CKAP4: variants seen among roughly 807,000 people sequenced by gnomAD.
CKAP4 encodes the protein cytoskeleton associated protein 4.
Under a neutral mutation model 24.4 loss-of-function variants are expected in CKAP4, and 20 were observed. The observed-to-expected ratio is 0.82, with a 90% confidence interval of 0.58 to 1.19. CKAP4 has a LOEUF of 1.19. CKAP4 is among the 50% of genes most tolerant of loss of function. CKAP4 has a pLI of 0.00. For synonymous variants in CKAP4, 378 were observed against 351.7 expected (o/e 1.07, Z -0.84); for missense variants, 744 against 765.3 (o/e 0.97, Z 0.33).
At position 106,247,247 on chromosome 12, in the gene CKAP4, C is replaced by T; in HGVS notation, c.483+122G>A. ...CCAGGGCCCGCCAAGGAGGAGCGGC[C>T]GGCTCCCGCCTCCGGGCCTGGGCAG... On this transcript the variant is annotated intron_variant, in intron 1 of 1. Transcript: ENST00000378026. This position sits in a 1 kb window ranked among gnomAD's most constrained non-coding sequence, Gnocchi z 4.5. 2.3e-6 allele frequency: 2 copies of T among 853,946 alleles called. No homozygotes were observed. The highest frequency in any genetic ancestry group is 3.4e-6 in the Non-Finnish European group (2 of 591,696). The allele number at this position is 853,946 out of a possible 1,614,324, so 52.9% of individuals were successfully genotyped here.
At chr12:106,241,864 G>A (rs2033973361) in intron 1 of CKAP4, among the ~76,000 whole-genome samples, 1 of 151,922 alleles carries the variant, frequency 6.6e-6, no homozygotes, top group East Asian at 1.9e-4. Flanking sequence ...CATAGGGCAA[G>A]AGAGTGGTTC....
rs1353595710 is a variant in CKAP4, at chr12:106,238,980, T to A, written c.*44A>T. The stretch of plus-strand genomic sequence containing the variant: ...GAAAAAACCACACATTTTTTGGTCA[T>A]GAGAAATTGGACTTTAAATCCGCGC... On this transcript the variant is annotated 3_prime_UTR_variant, in exon 2 of 2. Coordinates refer to ENST00000378026, the MANE Select transcript of CKAP4 (RefSeq NM_006825.4). The A allele has an allele frequency of 1.3e-6, 2 of 1,586,922 alleles. No homozygotes were observed. Among genetic ancestry groups the A allele is most frequent in the Admixed American group, 3.4e-5 (2 of 58,428 alleles).
At position 106,247,706 on chromosome 12, in the gene CKAP4, G is replaced by T. The variant is rs561280299; in HGVS notation, c.146C>A (p.Pro49Gln). 3.6e-4 allele frequency: 360 copies of T among 995,170 alleles called. No homozygotes were observed. The highest frequency in any genetic ancestry group is 2.1e-3 in the African/African-American group (73 of 34,608). 61.6% of individuals were successfully genotyped at this position (995,170 alleles called of 1,614,324 possible). A position where few individuals can be genotyped will look rare whatever the true frequency, so the allele number is the denominator to read the frequency against. The change falls in exon 1 of 2, where the codon CCG (proline) becomes CAG (glutamine). Residue 49 changes from proline to glutamine, a missense_variant. Coordinates refer to ENST00000378026, the MANE Select transcript of CKAP4 (RefSeq NM_006825.4). This position sits in a 1 kb window ranked among gnomAD's most constrained non-coding sequence, Gnocchi z 4.5. Reference sequence around the variant, plus strand: ...CTGCTGCGGGTGCTGCTGCGGGTGCGGCGCGGGCGGCGGCGGCGGCTGCTG... The same window carrying T: ...CTGCTGCGGGTGCTGCTGCGGGTGCTGCGCGGGCGGCGGCGGCGGCTGCTG... ...APQQPPPPPAPHPQQHPQQHP... is the reference protein window; with the variant it reads ...APQQPPPPPAQHPQQHPQQHP...
chr12:106,247,231 G>T lies in CKAP4; in HGVS notation c.483+138C>A. 4.3e-6 allele frequency: 3 copies of T among 702,828 alleles called. No homozygotes were observed. The highest frequency in any genetic ancestry group is 1.9e-5 in the African/African-American group (1 of 52,676). The allele number at this position is 702,828 out of a possible 1,614,324, so 43.5% of individuals were successfully genotyped here. The stretch of plus-strand genomic sequence containing the variant: ...GAGTGGGATGTCTAGGCCAGGGCCC[G>T]CCAAGGAGGAGCGGCCGGCTCCCGC... On this transcript the variant is annotated intron_variant, in intron 1 of 1. Transcript: ENST00000378026. The surrounding 1 kb of genome is among the most constrained non-coding windows in gnomAD (Gnocchi z 4.5).
intron 1 of CKAP4, among the ~76,000 whole-genome samples, chr12:106,243,530 C>T (rs1210295893): frequency 6.6e-6 from 1 of 152,232 alleles, no homozygotes; most frequent in Non-Finnish European, 1.5e-5. Flanking sequence ...ACTGTCCCTA[C>T]CAGGCCTAAG....
intron 1 of CKAP4, among the ~76,000 whole-genome samples, chr12:106,241,263 G>A (rs1348979675): frequency 6.6e-6 from 1 of 151,668 alleles, no homozygotes; most frequent in Non-Finnish European, 1.5e-5. Context: ...GGAAAGGAAA[G>A]GAACGCTTAT....
rs747877489 is a variant in CKAP4 at position 106,239,849 on chromosome 12, C to T, written c.984G>A (p.Leu328=). 4.3e-6 allele frequency: 7 copies of T among 1,613,990 alleles called. No individual in the cohort carries two copies. In the East Asian group the frequency reaches 1.1e-4, roughly 26 times the overall value. ...ESDIYTEVRE[L]VSLKQEQQAF... is the part of the protein sequence containing the mutation. The stretch of plus-strand genomic sequence containing the variant: ...CCTGCTGCTCCTGCTTGAGGCTCAC[C>T]AGCTCGCGGACCTCGGTGTAGATGT... The change falls in exon 2 of 2, where the codon CTG becomes CTA. Residue 328 remains leucine (L), a synonymous_variant. Coordinates refer to ENST00000378026, the MANE Select transcript of CKAP4 (RefSeq NM_006825.4). This position sits in a 1 kb window ranked among gnomAD's most constrained non-coding sequence, Gnocchi z 4.9.
In CKAP4 at chr12:106,238,837, G is replaced by C. The variant is rs2033936283; in HGVS notation, c.*187C>G. The C allele has an allele frequency of 1.5e-6, 1 of 663,310 alleles. No homozygotes were observed. The highest frequency in any genetic ancestry group is 2.0e-5 in the South Asian group (1 of 50,854). 41.1% of individuals were successfully genotyped at this position (663,310 alleles called of 1,614,324 possible). ...AGGAAACCAACCAAATGCAGAAGCA[G>C]AGAACTTAAATATTGTAAATAAGTT... On this transcript the variant is annotated 3_prime_UTR_variant, in exon 2 of 2. Coordinates refer to ENST00000378026, the MANE Select transcript of CKAP4 (RefSeq NM_006825.4).
intron 1 of CKAP4, among the ~76,000 whole-genome samples, chr12:106,244,617 A>G (rs1338308251): frequency 6.6e-6 from 1 of 152,140 alleles, no homozygotes; most frequent in African/African-American, 2.4e-5. Flanking sequence ...CCCTGTCTCT[A>G]CCAAAAATTT....
In CKAP4 at chr12:106,237,992, GTTTTTTT is replaced by G; in HGVS notation, c.*1025_*1031del. ...TTTTTTTTTTTTTTTTACTTTTCGGGTTTTTTTTTTTTTTTTTTTTTCAATTTTTTTT... is the reference window on the plus strand; with the variant it reads ...TTTTTTTTTTTTTTTTACTTTTCGGGTTTTTTTTTTTTTTCAATTTTTTTT... On this transcript the variant is annotated 3_prime_UTR_variant, in exon 2 of 2. Transcript: ENST00000378026. 1.4e-5 allele frequency: 1 copy of G among 70,512 alleles called. No individual in the cohort carries two copies. The highest frequency in any genetic ancestry group is 2.3e-4 in the Admixed American group (1 of 4,350). The allele number at this position is 70,512 out of a possible 1,614,324, so 4.4% of individuals were successfully genotyped here. A position where few individuals can be genotyped will look rare whatever the true frequency, so the allele number is the denominator to read the frequency against.
Position 106,238,811 on chromosome 12 carries a change from C to T in CKAP4, c.*213G>A. The T allele has an allele frequency of 1.7e-6, 1 of 582,258 alleles. No homozygotes were observed. Among genetic ancestry groups the T allele is most frequent in the Non-Finnish European group, 3.0e-6 (1 of 332,006 alleles). 36.1% of individuals were successfully genotyped at this position (582,258 alleles called of 1,614,324 possible). A position where few individuals can be genotyped will look rare whatever the true frequency, so the allele number is the denominator to read the frequency against. ...CCTGTTATTCACAGGGGCTGCGCTT[C>T]AGGAAACCAACCAAATGCAGAAGCA... On this transcript the variant is annotated 3_prime_UTR_variant, in exon 2 of 2. Coordinates refer to ENST00000378026, the MANE Select transcript of CKAP4 (RefSeq NM_006825.4).
At position 106,239,851 on chromosome 12, in the gene CKAP4, G is replaced by A; in HGVS notation, c.982C>T (p.Leu328=). ...ESDIYTEVRE[L]VSLKQEQQAF... is the part of the protein sequence containing the mutation. Reference sequence around the variant, plus strand: ...TGCTGCTCCTGCTTGAGGCTCACCAGCTCGCGGACCTCGGTGTAGATGTCA... The same window carrying A: ...TGCTGCTCCTGCTTGAGGCTCACCAACTCGCGGACCTCGGTGTAGATGTCA... Residue 328 remains leucine (L), a synonymous_variant, in exon 2 of 2, where the codon CTG becomes TTG. Transcript: ENST00000378026. This position sits in a 1 kb window ranked among gnomAD's most constrained non-coding sequence, Gnocchi z 4.9. The A allele has an allele frequency of 1.2e-6, 2 of 1,614,084 alleles. No homozygotes were observed. Among genetic ancestry groups the A allele is most frequent in the Non-Finnish European group, 1.7e-6 (2 of 1,180,000 alleles).
intron 1 of CKAP4, among the ~76,000 whole-genome samples, chr12:106,244,911 C>A (rs555983559): frequency 2.0e-5 from 3 of 152,056 alleles, no homozygotes. Flanking sequence ...GAAAACTGAG[C>A]CCCAAAGAAG....
In CKAP4 at chr12:106,238,668, T is replaced by C. The variant is rs1456159998; in HGVS notation, c.*356A>G. ...AAGGGTCCCCCCAACCCACCTTTTT[T>C]TTTTTTTTACTTGAAATCTGCCAGC... On this transcript the variant is annotated 3_prime_UTR_variant, in exon 2 of 2. Coordinates refer to ENST00000378026, the MANE Select transcript of CKAP4 (RefSeq NM_006825.4). 5.4e-6 allele frequency: 1 copy of C among 185,930 alleles called. No homozygotes were observed. Among genetic ancestry groups the C allele is most frequent in the African/African-American group, 2.3e-5 (1 of 42,600 alleles). 11.5% of individuals were successfully genotyped at this position (185,930 alleles called of 1,614,324 possible). A position where few individuals can be genotyped will look rare whatever the true frequency, so the allele number is the denominator to read the frequency against.
intron 1 of CKAP4, among the ~76,000 whole-genome samples, chr12:106,240,750 C>T (rs562280730): frequency 8.6e-5 from 13 of 151,456 alleles, no homozygotes; most frequent in Non-Finnish European, 1.6e-4. Context: ...GCAGAAGAGA[C>T]ATGTCGTGAG....
chr12:106,240,385 A>G, intron 1 of CKAP4, 36 bp from the exon 2 acceptor site: 3 of 1,580,284 alleles, frequency 1.9e-6, no homozygotes, highest in South Asian at 1.2e-5. Flanking sequence ...TGCTGAGAAG[A>G]GCTGATGAGT....
In CKAP4 at chr12:106,238,737, T is replaced by C. The variant is rs2033934982; in HGVS notation, c.*287A>G. 3.1e-6 allele frequency: 1 copy of C among 326,150 alleles called. No individual in the cohort carries two copies. Among genetic ancestry groups the C allele is most frequent in the Non-Finnish European group, 5.6e-6 (1 of 177,888 alleles). The allele number at this position is 326,150 out of a possible 1,614,324, so 20.2% of individuals were successfully genotyped here. On this transcript the variant is annotated 3_prime_UTR_variant, in exon 2 of 2. Coordinates refer to ENST00000378026, the MANE Select transcript of CKAP4 (RefSeq NM_006825.4). ...TTAATCTGCTTCTGTTAATCCTCAA[T>C]TTAAGCCTTTATCATTTTTCTCTGA...
Position 106,247,438 on chromosome 12 carries a change from C to T in CKAP4, c.414G>A (p.Arg138=). The T allele has an allele frequency of 6.5e-7, 1 of 1,544,288 alleles. No individual in the cohort carries two copies. The highest frequency in any genetic ancestry group is 8.7e-7 in the Non-Finnish European group (1 of 1,146,932). Residue 138 remains arginine (R), a synonymous_variant, in exon 1 of 2, where the codon CGG becomes CGA. Coordinates refer to ENST00000378026, the MANE Select transcript of CKAP4 (RefSeq NM_006825.4). This position sits in a 1 kb window ranked among gnomAD's most constrained non-coding sequence, Gnocchi z 4.5. ...GCCGGGAGAAGTCCTGGTGGCTGCG[C>T]CGGACCTGCTGGACCTCCTCCAGGA... ...HHVLEEVQQV[R]RSHQDFSRQR... is the part of the protein sequence containing the mutation.
rs139319957 is a variant in CKAP4 at position 106,240,217 on chromosome 12, T to G, written c.616A>C (p.Lys206Gln). 139 of 1,614,174 alleles carry G rather than the reference T, an allele frequency of 8.6e-5. No individual in the cohort carries two copies. The highest frequency in any genetic ancestry group is 3.5e-5 in the Non-Finnish European group (41 of 1,180,036). The change falls in exon 2 of 2, where the codon AAA (lysine) becomes CAA (glutamine). Residue 206 changes from lysine (K) to glutamine (Q), a missense_variant. This residue lies in a region of CKAP4 where 300 missense variants were observed against 264.5 expected (regional missense o/e 1.13). Coordinates refer to ENST00000378026, the MANE Select transcript of CKAP4 (RefSeq NM_006825.4). ...EVSRISEVLQ[K>Q]LQNEILKDLS... ...TCTTTGAGAATCTCATTCTGGAGTT[T>G]CTGCAGCACTTCGCTGATCCGGCTG...
Sources: gnomAD v4.1 joint callset for allele counts (sites outside exome capture counted in the v4.1 genomes callset) on GRCh38, gnomAD v4.1.1 for gene constraint, gnomAD v4.1.1 regional missense constraint, Gnocchi (gnomAD v3.1) non-coding constraint, MANE v1.5 for transcripts, NCBI Gene and HGNC (gene_info 2026-07-23, HGNC 2026-07-21) for gene names.